Variants in XPO4 observed in about 807,000 individuals in gnomAD.
XPO4 encodes exportin 4.
In XPO4, 39 loss-of-function variants were observed where a neutral mutation model predicts 143.0. The ratio of observed to expected loss-of-function variants is 0.27; its 90% CI spans 0.21 to 0.36. The LOEUF is 0.36. XPO4 is among the 10% of genes least tolerant of loss of function. The pLI is 1.00. For missense variants in XPO4, 907 were observed against 1,348.0 expected, an observed-to-expected ratio of 0.67 and a Z score of 5.12; for synonymous variants, 439 against 474.0, an observed-to-expected ratio of 0.93 and a Z score of 0.96.
intron 21 of XPO4, 126 bp from the exon 22 acceptor site, chr13:20,787,183 T>C: frequency 1.2e-6 from 1 of 863,534 alleles, no homozygotes; most frequent in Non-Finnish European, 1.7e-6. Context: ...ATCTGAAATT[T>C]TCCTTAATGT....
chr13:20,798,445 C>G (rs1327433255), intron 16 of XPO4, among the ~76,000 whole-genome samples: 1 of 152,168 alleles, frequency 6.6e-6, no homozygotes, highest in Non-Finnish European at 1.5e-5. Flanking sequence ...TAGGAGAAAA[C>G]AAATTTCTGT....
At chr13:20,826,676 A>G (rs1272009896) in intron 7 of XPO4, among the ~76,000 whole-genome samples, 2 of 152,244 alleles carry the variant, frequency 1.3e-5, no homozygotes, top group Admixed American at 1.3e-4. Context: ...GTTAATTAAA[A>G]TGTTACTTAT....
At chr13:20,832,168 C>T (rs982716205) in intron 6 of XPO4, among the ~76,000 whole-genome samples, 1 of 152,166 alleles carries the variant, frequency 6.6e-6, no homozygotes, top group African/African-American at 2.4e-5. Flanking sequence ...AGGCCAAGAG[C>T]CAGAAGGACA....
At chr13:20,871,890 A>C (rs1248257987) in intron 1 of XPO4, among the ~76,000 whole-genome samples, 1 of 152,228 alleles carries the variant, frequency 6.6e-6, no homozygotes, top group Non-Finnish European at 1.5e-5. Context: ...AGTATAATCT[A>C]AAAGTTGATT....
At chr13:20,844,900 A>C (rs777524366) in intron 4 of XPO4, among the ~76,000 whole-genome samples, 50 of 152,364 alleles carry the variant, frequency 3.3e-4, no homozygotes, top group Middle Eastern at 3.4e-3. Flanking sequence ...GGCCGGACAC[A>C]GTGGCTCATG....
chr13:20,843,335 C>T (rs553085489), intron 5 of XPO4, among the ~76,000 whole-genome samples: 1 of 152,172 alleles, frequency 6.6e-6, no homozygotes, highest in Admixed American at 6.5e-5. Flanking sequence ...AGTGCAGAGC[C>T]CTAGGATTTA....
chr13:20,857,482 C>T (rs927771544), intron 3 of XPO4, among the ~76,000 whole-genome samples: 1 of 152,064 alleles, frequency 6.6e-6, no homozygotes, highest in African/African-American at 2.4e-5. Flanking sequence ...AATCCCAGCA[C>T]TTTGGGAGGC....
chr13:20,844,608 G>C (rs574130222), intron 4 of XPO4, among the ~76,000 whole-genome samples: 47 of 152,314 alleles, frequency 3.1e-4, no homozygotes, highest in African/African-American at 1.1e-3. Context: ...TTAAAGTCAA[G>C]ATGATACTAT....
chr13:20,848,562 A>G (rs1044703626), intron 4 of XPO4: 15 of 985,190 alleles, frequency 1.5e-5, no homozygotes, highest in Non-Finnish European at 1.4e-5. Flanking sequence ...ACAACCACCT[A>G]TTTCAGCTTT....
chr13:20,802,808 A>T (rs577488633), intron 13 of XPO4, among the ~76,000 whole-genome samples: 101 of 152,352 alleles, frequency 6.6e-4, no homozygotes, highest in African/African-American at 2.3e-3. Flanking sequence ...ATTTTCAATG[A>T]CCATAAGACC....
intron 9 of XPO4, among the ~76,000 whole-genome samples, chr13:20,819,221 T>C (rs2059687763): frequency 6.6e-6 from 1 of 152,198 alleles, no homozygotes. Context: ...CAAAAAAAAG[T>C]GAAGCAGCTT....
intron 9 of XPO4, among the ~76,000 whole-genome samples, chr13:20,813,957 CAAAAAAA>C (rs557631755): frequency 1.7e-4 from 15 of 89,824 alleles, no homozygotes; most frequent in Non-Finnish European, 2.5e-4. Flanking sequence ...GACGCTGTCT[CAAAAAAA>C]AAAAAAAAAA....
chr13:20,786,937 G>A, intron 22 of XPO4, 28 bp downstream of exon 22: 1 of 1,526,826 alleles, frequency 6.5e-7, no homozygotes, highest in South Asian at 1.2e-5. Flanking sequence ...AATGAGAAGA[G>A]TCCCCTGAAA....
At chr13:20,863,706 C>G (rs1043871756) in intron 2 of XPO4, among the ~76,000 whole-genome samples, 1 of 152,082 alleles carries the variant, frequency 6.6e-6, no homozygotes, top group Non-Finnish European at 1.5e-5. Context: ...TTTTCTGAGG[C>G]TCTAAAAAAT....
intron 9 of XPO4, among the ~76,000 whole-genome samples, chr13:20,811,288 C>CTT (rs769614867): frequency 2.0e-4 from 27 of 136,698 alleles, no homozygotes; most frequent in African/African-American, 3.3e-4. Flanking sequence ...ATGCTTTTTT[C>CTT]TTTTTTTTTT....
chr13:20,874,296 TAGAAA>T (rs1464336436), intron 1 of XPO4, among the ~76,000 whole-genome samples: 5 of 152,184 alleles, frequency 3.3e-5, no homozygotes, highest in African/African-American at 1.2e-4. Context: ...GCTACAAAAC[TAGAAA>T]AGAACACATG....
Position 20,809,066 on chromosome 13 carries a change from C to A in XPO4, c.1493+17G>T. On this transcript the variant is annotated intron_variant, in intron 11 of 22. Transcript: ENST00000255305. Reference sequence around the variant, plus strand: ...AGAGAATATTTGCTCCATGGGGTTTCTTTGGACTGTGTGTACCTTGTCAGA... The same window carrying A: ...AGAGAATATTTGCTCCATGGGGTTTATTTGGACTGTGTGTACCTTGTCAGA... 3 of 1,608,796 alleles carry A rather than the reference C, an allele frequency of 1.9e-6. No individual in the cohort carries two copies. Among genetic ancestry groups the A allele is most frequent in the Non-Finnish European group, 2.5e-6 (3 of 1,177,898 alleles).
chr13:20,901,668 G>A (rs1013967350), intron 1 of XPO4, among the ~76,000 whole-genome samples: 1 of 152,056 alleles, frequency 6.6e-6, no homozygotes, highest in African/African-American at 2.4e-5. Context: ...TACAAACTAC[G>A]CTAGAATTAG....
intron 1 of XPO4, among the ~76,000 whole-genome samples, chr13:20,874,072 A>G (rs754561579): frequency 3.3e-5 from 5 of 152,224 alleles, no homozygotes; most frequent in African/African-American, 4.8e-5. Context: ...TTAGGTCTGC[A>G]TGACATTAAA....
Sources: gnomAD v4.1 joint callset for allele counts (sites outside exome capture counted in the v4.1 genomes callset) on GRCh38, gnomAD v4.1.1 for gene constraint, MANE v1.5 for transcripts, NCBI Gene and HGNC (gene_info 2026-07-23, HGNC 2026-07-21) for gene names.